FBXL5: variants seen among roughly 807,000 people sequenced by gnomAD.
The protein encoded by FBXL5 is F-box and leucine rich repeat protein 5.
Under a neutral mutation model 78.3 loss-of-function variants are expected in FBXL5, and 26 were observed. The observed-to-expected ratio is 0.33, with a 90% CI of 0.24 to 0.46. The LOEUF is 0.46. FBXL5 is among the 20% of genes least tolerant of loss of function. The probability of loss-of-function intolerance (pLI) is 1.00; values close to 1 mark genes in which losing one functional copy is unlikely to be tolerated. For synonymous variants in FBXL5, 295 were observed against 282.5 expected (o/e 1.04, Z -0.45); for missense variants, 710 against 829.2 (o/e 0.86, Z 1.77).
chr4:15,632,747 A>G (rs967813757), intron 5 of FBXL5, among the ~76,000 whole-genome samples: 8 of 152,204 alleles, frequency 5.3e-5, no homozygotes, highest in Non-Finnish European at 1.0e-4. Context: ...ATTTTTGCAC[A>G]TTGATTTTGT....
At chr4:15,657,980 C>T (rs1717090787), upstream of FBXL5, among the ~76,000 whole-genome samples, 1 of 152,212 alleles carries the variant, frequency 6.6e-6, no homozygotes, top group Admixed American at 6.5e-5. Context: ...GCAGTGAAAA[C>T]CCACATTGTA....
At chr4:15,609,872 G>A (rs1577417465) in intron 10 of FBXL5, among the ~76,000 whole-genome samples, 1 of 152,058 alleles carries the variant, frequency 6.6e-6, no homozygotes, top group African/African-American at 2.4e-5. Flanking sequence ...CTCTGCTAAT[G>A]CTTGGAAAAT....
chr4:15,650,931 A>G (rs1454400451), intron 1 of FBXL5, among the ~76,000 whole-genome samples: 1 of 152,104 alleles, frequency 6.6e-6, no homozygotes, highest in Admixed American at 6.6e-5. Flanking sequence ...CACCCAACCT[A>G]TAACTGACTT....
intron 1 of FBXL5, among the ~76,000 whole-genome samples, chr4:15,676,254 C>T (rs924957965): frequency 1.5e-4 from 23 of 152,144 alleles, no homozygotes; most frequent in Admixed American, 2.0e-4. Context: ...TTATAAACTA[C>T]CGCATAAAAA....
At chr4:15,631,619 G>A in intron 5 of FBXL5, among the ~76,000 whole-genome samples, 1 of 152,202 alleles carries the variant, frequency 6.6e-6, no homozygotes. Flanking sequence ...TCTAACTGGT[G>A]TGAGATGGTA....
intron 5 of FBXL5, 98 bp from the exon 6 acceptor site, chr4:15,630,889 G>A: frequency 6.9e-7 from 1 of 1,454,280 alleles, no homozygotes; most frequent in Non-Finnish European, 9.4e-7. Flanking sequence ...TCTACAAAGA[G>A]AAAACATCTG....
intron 1 of FBXL5, among the ~76,000 whole-genome samples, chr4:15,650,661 CTTTTTTTTTTT>C (rs34334098): frequency 6.4e-5 from 5 of 77,884 alleles, no homozygotes; most frequent in South Asian, 1.1e-3. Flanking sequence ...AACTGACTTT[CTTTTTTTTTTT>C]TTTTTTTTTT....
rs1714522504 is a variant in FBXL5 at position 15,638,616 on chromosome 4, A to T, written c.475T>A (p.Cys159Ser). The T allele has an allele frequency of 6.2e-7, 1 of 1,613,274 alleles. No homozygotes were observed. Among genetic ancestry groups the T allele is most frequent in the Non-Finnish European group, 8.5e-7 (1 of 1,179,456 alleles). The change falls in exon 4 of 11, where the codon TGC (cysteine) becomes AGC (serine). Residue 159 changes from cysteine to serine, a missense_variant. Cys to Ser is a moderately radical substitution (Grantham distance 112). Coordinates refer to ENST00000341285, the MANE Select transcript of FBXL5 (RefSeq NM_012161.4). ...AGTTCTGCAGTATCCTTCTGAGAGC[A>T]GTGTTGTGCAATCACTTTCTTTTTA... ...DIKKKVIAQH[C>S]SQKDTAELLR...
chr4:15,618,289 T>G (rs1360638019), intron 9 of FBXL5, among the ~76,000 whole-genome samples: 1 of 152,092 alleles, frequency 6.6e-6, no homozygotes, highest in Non-Finnish European at 1.5e-5. Flanking sequence ...AACTACACTT[T>G]AAGAGGCTGA....
chr4:15,646,214 C>G lies in FBXL5; in HGVS notation c.85-1506G>C, dbSNP rs998573036. Among the ~76,000 whole-genome samples, 7 of 152,164 alleles carry G rather than the reference C, an allele frequency of 4.6e-5. No homozygotes were observed. The East Asian group carries it at 1.2e-3, about 25-fold the overall frequency. On this transcript the variant is annotated intron_variant, in intron 1 of 10. Coordinates refer to ENST00000341285, the MANE Select transcript of FBXL5 (RefSeq NM_012161.4). ...GTATTTCCATAAAACTTTATAAACA[C>G]TGAAATTCAAATTTCATATAATTTT...
At position 15,605,102 on chromosome 4, in the gene FBXL5, A is replaced by G. The variant is rs1721796546; in HGVS notation, c.*621T>C. On this transcript the variant is annotated 3_prime_UTR_variant, in exon 11 of 11. Transcript: ENST00000341285. Reference sequence around the variant, plus strand: ...CTCTCCCAAATTTGATGACATAGGGACAGTGGTGAGAACAAAGTATCCCTA... The same window carrying G: ...CTCTCCCAAATTTGATGACATAGGGGCAGTGGTGAGAACAAAGTATCCCTA... The G allele has an allele frequency of 6.6e-6, 1 of 152,606 alleles. No homozygotes were observed. 9.5% of individuals were successfully genotyped at this position (152,606 alleles called of 1,614,324 possible).
chr4:15,681,312 C>G (rs1336754551), intron 1 of FBXL5: 1 of 156,438 alleles, frequency 6.4e-6, no homozygotes, highest in Non-Finnish European at 1.5e-5. Context: ...CCTGGCCCCG[C>G]CAGGTCGGGG....
chr4:15,607,031 A>C (rs936243541), intron 10 of FBXL5, among the ~76,000 whole-genome samples: 1 of 152,208 alleles, frequency 6.6e-6, no homozygotes, highest in African/African-American at 2.4e-5. Flanking sequence ...CAAAATACAA[A>C]GGGCAAATTT....
intron 1 of FBXL5, among the ~76,000 whole-genome samples, chr4:15,672,524 G>A (rs1717807731): frequency 6.6e-6 from 1 of 152,050 alleles, no homozygotes; most frequent in Non-Finnish European, 1.5e-5. Flanking sequence ...GTCACACAAT[G>A]GTATTTTTGT....
At chr4:15,674,298 T>C (rs1243713178) in intron 1 of FBXL5, among the ~76,000 whole-genome samples, 1 of 151,978 alleles carries the variant, frequency 6.6e-6, no homozygotes, top group African/African-American at 2.4e-5. Flanking sequence ...GTGGCATGAA[T>C]GTAGTACCGC....
chr4:15,621,865 G>T lies in FBXL5; in HGVS notation c.1850+3387C>A, dbSNP rs138736089. ...TTCTTTTGAGACAGGGTCTGGCTTT[G>T]TTACCCTGGCTGGAGTGCAATAGTG... On this transcript the variant is annotated intron_variant, in intron 9 of 10. Transcript: ENST00000341285. 1.7e-4 allele frequency among the ~76,000 whole-genome samples: 26 copies of T among 152,264 alleles called. No individual in the cohort carries two copies. In the East Asian group the frequency reaches 5.0e-3, roughly 29 times the overall value.
At chr4:15,667,965 C>T (rs542469621) in intron 1 of FBXL5, among the ~76,000 whole-genome samples, 6 of 151,066 alleles carry the variant, frequency 4.0e-5, no homozygotes, top group Non-Finnish European at 7.4e-5. Context: ...CGCTTGAACT[C>T]GGGAGGTGGA....
chr4:15,643,674 T>A (rs1715110995), intron 2 of FBXL5, among the ~76,000 whole-genome samples: 2 of 152,214 alleles, frequency 1.3e-5, no homozygotes, highest in Admixed American at 1.3e-4. Flanking sequence ...CCCAGAGTGC[T>A]GGGACTACAG....
At chr4:15,628,090 TCAAGCGCTCACCAAATTGTTAAATATGA>T in intron 6 of FBXL5, 57 bp from the exon 7 acceptor site, 2 of 1,520,054 alleles carry the variant, frequency 1.3e-6, no homozygotes, top group South Asian at 2.3e-5. Flanking sequence ...ATTAAGCTAC[TCAAGCGCTCACCAAATTGTTAAATATGA>T]CATACTTTGT....
Sources: allele counts gnomAD v4.1 joint callset (sites outside exome capture counted in the v4.1 genomes callset), GRCh38; gene constraint gnomAD v4.1.1; transcripts MANE v1.5; gene names NCBI Gene and HGNC (gene_info 2026-07-23, HGNC 2026-07-21).